PPARGC1A: variants seen among roughly 807,000 people sequenced by gnomAD.
The protein encoded by PPARGC1A is peroxisome proliferator-activated receptor gamma coactivator 1-alpha.
PPARGC1A carries 25 observed loss-of-function variants against 88.7 expected under a neutral mutation model. The observed-to-expected ratio is 0.28, with a 90% confidence interval of 0.21 to 0.39. PPARGC1A has a LOEUF of 0.39. Among genes scored for constraint, PPARGC1A ranks in the 10% least tolerant of loss-of-function variants. The pLI is 1.00. For synonymous variants in PPARGC1A, 363 were observed against 355.6 expected (o/e 1.02, Z -0.24); for missense variants, 880 against 968.7 (o/e 0.91, Z 1.22).
chr4:23,830,414 C>A lies in PPARGC1A; in HGVS notation c.430-829G>T, dbSNP rs548988674. Among the ~76,000 whole-genome samples, 292 of 152,184 alleles carry A rather than the reference C, an allele frequency of 1.9e-3. 1 individual carries two copies. Among genetic ancestry groups the A allele is most frequent in the African/African-American group, 6.5e-3 (269 of 41,518 alleles). On this transcript the variant is annotated intron_variant, in intron 3 of 12. Coordinates refer to ENST00000264867, the MANE Select transcript of PPARGC1A (RefSeq NM_013261.5). ...ATGTCTCTGAGTCAACTGCTCTTCC[C>A]AAATGAACAAATTGAATAGATGAAA... is the stretch of plus-strand genomic sequence containing the variant.
At chr4:24,397,862 T>C in the PPARGC1A span, among the ~76,000 whole-genome samples, 1 of 152,214 alleles carries the variant, frequency 6.6e-6, no homozygotes, top group Non-Finnish European at 1.5e-5. Flanking sequence ...TGCTAGTACT[T>C]ACATAAAAAG....
At chr4:23,905,205 A>G (rs1412815893), upstream of PPARGC1A, among the ~76,000 whole-genome samples, 2 of 152,224 alleles carry the variant, frequency 1.3e-5, no homozygotes, top group African/African-American at 4.8e-5. Context: ...AAGGGCAAAC[A>G]TAGGGATATG....
chr4:24,255,668 T>C, the PPARGC1A span, among the ~76,000 whole-genome samples: 1 of 152,230 alleles, frequency 6.6e-6, no homozygotes, highest in African/African-American at 2.4e-5. Flanking sequence ...ATGTTTCATT[T>C]ACTTGTGCAT....
chr4:23,872,155 C>T (rs1300739629), intron 2 of PPARGC1A, among the ~76,000 whole-genome samples: 1 of 152,104 alleles, frequency 6.6e-6, no homozygotes, highest in Non-Finnish European at 1.5e-5. Flanking sequence ...ATACCATTCT[C>T]AAATAGAAAG....
chr4:24,343,971 A>G, the PPARGC1A span, among the ~76,000 whole-genome samples: 1 of 151,320 alleles, frequency 6.6e-6, no homozygotes, highest in East Asian at 2.0e-4. Context: ...TAGCTCCCAC[A>G]TATCAGTGAG....
At chr4:24,097,146 A>G in the PPARGC1A span, among the ~76,000 whole-genome samples, 2 of 152,176 alleles carry the variant, frequency 1.3e-5, no homozygotes, top group Non-Finnish European at 1.5e-5. Context: ...AGAATCGAGC[A>G]ACTAAAAAAT....
intron 2 of PPARGC1A, among the ~76,000 whole-genome samples, chr4:23,874,558 TAAAAAA>T (rs60012560): frequency 7.2e-6 from 1 of 139,332 alleles, no homozygotes; most frequent in African/African-American, 2.7e-5. Flanking sequence ...TTTTTCCCCC[TAAAAAA>T]AAAAAAAGGA....
At chr4:24,166,488 G>C in the PPARGC1A span, among the ~76,000 whole-genome samples, 1 of 152,194 alleles carries the variant, frequency 6.6e-6, no homozygotes, top group Admixed American at 6.5e-5. Flanking sequence ...GAAAGGAGGA[G>C]TCAATGCTTG....
the PPARGC1A span, among the ~76,000 whole-genome samples, chr4:24,325,849 G>A: frequency 6.6e-6 from 1 of 152,218 alleles, no homozygotes. Flanking sequence ...ACTATTGTGG[G>A]TATTGACAGC....
chr4:24,131,376 GA>G, the PPARGC1A span, among the ~76,000 whole-genome samples: 1 of 152,158 alleles, frequency 6.6e-6, no homozygotes, highest in Non-Finnish European at 1.5e-5. Flanking sequence ...AAAGATAAAT[GA>G]GTGTCTAGAA....
chr4:24,010,202 T>C, the PPARGC1A span, among the ~76,000 whole-genome samples: 9 of 152,170 alleles, frequency 5.9e-5, no homozygotes, highest in African/African-American at 2.2e-4. Flanking sequence ...ACAAAATTAA[T>C]ATAATCATAA....
At chr4:24,243,990 G>A in the PPARGC1A span, among the ~76,000 whole-genome samples, 7 of 152,192 alleles carry the variant, frequency 4.6e-5, no homozygotes, top group Admixed American at 1.3e-4. Flanking sequence ...GATTAATGGC[G>A]TGTTGAGGGT....
At chr4:24,008,385 T>G in the PPARGC1A span, among the ~76,000 whole-genome samples, 1 of 152,160 alleles carries the variant, frequency 6.6e-6, no homozygotes, top group South Asian at 2.1e-4. Context: ...TACAAACTGA[T>G]CTTATTCCAC....
At chr4:24,022,800 A>G in the PPARGC1A span, among the ~76,000 whole-genome samples, 1 of 152,218 alleles carries the variant, frequency 6.6e-6, no homozygotes, top group Non-Finnish European at 1.5e-5. Context: ...CCAAATGGAT[A>G]TGAACCCGAA....
At chr4:24,095,059 T>C in the PPARGC1A span, among the ~76,000 whole-genome samples, 2 of 152,102 alleles carry the variant, frequency 1.3e-5, no homozygotes, top group Admixed American at 6.5e-5. Flanking sequence ...ACTAAATGTA[T>C]GTGGGAGTCC....
At chr4:24,365,608 T>G in the PPARGC1A span, among the ~76,000 whole-genome samples, 1 of 152,236 alleles carries the variant, frequency 6.6e-6, no homozygotes, top group Admixed American at 6.5e-5. Flanking sequence ...TTCTTGTTCT[T>G]AAGCATCACA....
chr4:23,799,130 C>G (rs778190448), intron 12 of PPARGC1A, among the ~76,000 whole-genome samples: 1 of 152,064 alleles, frequency 6.6e-6, no homozygotes, highest in Non-Finnish European at 1.5e-5. Flanking sequence ...ACCCCTGAGT[C>G]CAGTATATTC....
In PPARGC1A at chr4:23,814,492, G is replaced by A. The variant is rs1721557451; in HGVS notation, c.991C>T (p.Pro331Ser). Residue 331 changes from proline to serine, a missense_variant, in exon 8 of 13, where the codon CCC (proline) becomes TCC (serine). By Grantham distance (74) the Pro-to-Ser change is moderately conservative. Coordinates refer to ENST00000264867, the MANE Select transcript of PPARGC1A (RefSeq NM_013261.5). ...GTACCAGAAGACTCACTGTACCTGG[G>A]CTTCTTTGATGGTGGTGGCACCACA... ...KTVVPPPSKK[P>S]RYSESSGTQG... 1.9e-6 allele frequency: 3 copies of A among 1,613,642 alleles called. No homozygotes were observed. Among genetic ancestry groups the A allele is most frequent in the East Asian group, 4.5e-5 (2 of 44,832 alleles).
At chr4:24,467,036 G>GAAAGAAAGAAAGAAAGAAAGAGAA in the PPARGC1A span, among the ~76,000 whole-genome samples, 13 of 115,726 alleles carry the variant, frequency 1.1e-4, no homozygotes, top group African/African-American at 1.6e-4. Context: ...GAAAGAGAAA[G>GAAAGAAAGAAAGAAAGAAAGAGAA]AGAGAGAGAG....
Sources: allele counts gnomAD v4.1 joint callset (sites outside exome capture counted in the v4.1 genomes callset), GRCh38; gene constraint gnomAD v4.1.1; transcripts MANE v1.5; gene names NCBI Gene and HGNC (gene_info 2026-07-23, HGNC 2026-07-21).